Variants in STRIP2 observed in about 807,000 individuals in gnomAD.
STRIP2 encodes the protein striatin interacting protein 2.
In STRIP2, 84 loss-of-function variants were observed where a neutral mutation model predicts 107.1. The observed-to-expected ratio is 0.78, with a 90% CI of 0.66 to 0.94. STRIP2 has a LOEUF of 0.94. Among genes scored for constraint, STRIP2 ranks in the 40% least tolerant of loss-of-function variants. STRIP2 has a pLI of 0.00. For missense variants in STRIP2, 888 were observed against 1,034.2 expected (o/e 0.86, Z 1.94); for synonymous variants, 394 against 400.4 (o/e 0.98, Z 0.19).
chr7:129,435,826 T>C (rs967188551), intron 1 of STRIP2, among the ~76,000 whole-genome samples: 2 of 152,166 alleles, frequency 1.3e-5, no homozygotes, highest in Non-Finnish European at 2.9e-5. Context: ...AGAAACCAGG[T>C]TTTTGGCATC....
In STRIP2 at chr7:129,453,216, T is replaced by A; in HGVS notation, c.410-11T>A. 2 of 1,614,026 alleles carry A rather than the reference T, an allele frequency of 1.2e-6. No homozygotes were observed. The highest frequency in any genetic ancestry group is 8.5e-7 in the Non-Finnish European group (1 of 1,179,944). ...CCCCTCAACCCCTGTAACAACTGTC[T>A]GGTCCTTTAGGTACTTTTGGGGAAT... On this transcript the variant is annotated splice_polypyrimidine_tract_variant and intron_variant, in intron 4 of 20. Coordinates refer to ENST00000249344, the MANE Select transcript of STRIP2 (RefSeq NM_020704.3).
At chr7:129,468,541 G>C (rs1798724039) in intron 17 of STRIP2, among the ~76,000 whole-genome samples, 2 of 152,194 alleles carry the variant, frequency 1.3e-5, no homozygotes, top group South Asian at 4.1e-4. Flanking sequence ...ATGTAAGATT[G>C]CTTTAAACAC....
intron 3 of STRIP2, among the ~76,000 whole-genome samples, chr7:129,447,199 C>G (rs1451108933): frequency 6.6e-6 from 1 of 150,458 alleles, no homozygotes; most frequent in Admixed American, 6.6e-5. Context: ...TTGTTCTGGA[C>G]CCCACTAAAA....
At chr7:129,475,293 A>G (rs2151014568) in intron 18 of STRIP2, among the ~76,000 whole-genome samples, 1 of 152,150 alleles carries the variant, frequency 6.6e-6, no homozygotes, top group East Asian at 1.9e-4. Context: ...GGGGGATGGA[A>G]AATATTAAAT....
rs1798533885 is a variant in STRIP2 at position 129,461,444 on chromosome 7, T to TG, written c.1476+1076dup. On this transcript the variant is annotated intron_variant, in intron 13 of 20. Coordinates refer to ENST00000249344, the MANE Select transcript of STRIP2 (RefSeq NM_020704.3). The surrounding 1 kb of genome is among the most constrained non-coding windows in gnomAD (Gnocchi z 4.0). ...GAGAATGGAAGGCAGGACAAAGCCC[T>TG]GGGGCACACCAGTATGTTGAGGGGG... Among the ~76,000 whole-genome samples the TG allele has an allele frequency of 6.6e-6, 1 of 152,064 alleles. No homozygotes were observed. The highest frequency in any genetic ancestry group is 1.9e-4 in the East Asian group (1 of 5,184).
chr7:129,477,428 T>G (rs893685792), intron 18 of STRIP2, among the ~76,000 whole-genome samples: 5 of 152,188 alleles, frequency 3.3e-5, no homozygotes, highest in Non-Finnish European at 7.4e-5. Context: ...TTTTTAGCAT[T>G]ATATCAATTT....
Position 129,458,158 on chromosome 7 carries a change from A to T in STRIP2, c.1039-57A>T, listed in dbSNP as rs779045163. On this transcript the variant is annotated intron_variant, in intron 9 of 20. Coordinates refer to ENST00000249344, the MANE Select transcript of STRIP2 (RefSeq NM_020704.3). The surrounding 1 kb of genome is among the most constrained non-coding windows in gnomAD (Gnocchi z 4.6). The stretch of plus-strand genomic sequence containing the variant: ...GCCTGTGGATATGGGGTGGCCTCAG[A>T]CAAGGATGCCCAGAGTGAGATCTCT... The T allele has an allele frequency of 1.4e-6, 2 of 1,406,590 alleles. No homozygotes were observed. Among genetic ancestry groups the T allele is most frequent in the South Asian group, 2.4e-5 (2 of 84,188 alleles). The allele number at this position is 1,406,590 out of a possible 1,614,324, so 87.1% of individuals were successfully genotyped here.
rs1395820816 is a variant in STRIP2 at position 129,434,490 on chromosome 7, G to T, written c.18G>T (p.Ala6=). 9.9e-6 allele frequency: 15 copies of T among 1,515,622 alleles called. No individual in the cohort carries two copies. In the East Asian group the frequency reaches 2.8e-4, roughly 29 times the overall value. 93.9% of individuals were successfully genotyped at this position (1,515,622 alleles called of 1,614,324 possible). ...CCAGCAGCATGGAGGACCCCGCCGC[G>T]CCTGGGACCGGGGGCCCGCCCGCAA... MEDPA[A]PGTGGPPANG... is the part of the protein sequence containing the mutation. The change falls in exon 1 of 21, where the codon GCG becomes GCT. Residue 6 remains alanine, a synonymous_variant. Transcript: ENST00000249344.
chr7:129,459,454 T>C (rs1022077943), intron 11 of STRIP2, 63 bp from the exon 12 acceptor site: 10 of 1,397,466 alleles, frequency 7.2e-6, no homozygotes, highest in Non-Finnish European at 1.0e-5. Flanking sequence ...TAGGGGGGTA[T>C]TGGGGTATCA....
At chr7:129,481,374 A>G (rs1799111735) in intron 19 of STRIP2, among the ~76,000 whole-genome samples, 1 of 152,034 alleles carries the variant, frequency 6.6e-6, no homozygotes, top group Non-Finnish European at 1.5e-5. Context: ...GCAGGCACCT[A>G]TAGTCCCAGC....
At chr7:129,471,858 T>A (rs528767580) in intron 18 of STRIP2, among the ~76,000 whole-genome samples, 1 of 152,280 alleles carries the variant, frequency 6.6e-6, no homozygotes, top group African/African-American at 2.4e-5. Context: ...GATTCCCTGG[T>A]CTTATTTAGA....
intron 13 of STRIP2, chr7:129,460,618 A>G: frequency 2.0e-6 from 1 of 491,056 alleles, no homozygotes; most frequent in Non-Finnish European, 3.7e-6. Flanking sequence ...ATGACATGAA[A>G]GAAGCATCAG....
intron 2 of STRIP2, among the ~76,000 whole-genome samples, chr7:129,443,373 T>C (rs1797952815): frequency 1.3e-5 from 2 of 152,198 alleles, no homozygotes; most frequent in Non-Finnish European, 2.9e-5. Context: ...CATAAGCTTT[T>C]TGCATTTTGT....
chr7:129,434,562 G>A lies in STRIP2; in HGVS notation c.90G>A (p.Lys30=). The A allele has an allele frequency of 6.6e-7, 1 of 1,516,662 alleles. No homozygotes were observed. The highest frequency in any genetic ancestry group is 8.8e-7 in the Non-Finnish European group (1 of 1,139,028). The allele number at this position is 1,516,662 out of a possible 1,614,324, so 94.0% of individuals were successfully genotyped here. ...GGGKGKQAAP[K]GREAFRSQRR... ...GCAAAGGGAAGCAGGCGGCGCCCAA[G>A]GGCCGCGAAGCGTTCCGAAGCCAGC... Residue 30 remains lysine, a synonymous_variant, in exon 1 of 21, where the codon AAG becomes AAA. Transcript: ENST00000249344.
At chr7:129,447,050 C>G (rs964465210) in intron 3 of STRIP2, among the ~76,000 whole-genome samples, 2 of 152,222 alleles carry the variant, frequency 1.3e-5, no homozygotes, top group Non-Finnish European at 2.9e-5. Flanking sequence ...TGTGATTCAT[C>G]TCTGGGAGCC....
chr7:129,474,645 G>T (rs537753059), intron 18 of STRIP2, among the ~76,000 whole-genome samples: 1 of 152,220 alleles, frequency 6.6e-6, no homozygotes, highest in Non-Finnish European at 1.5e-5. Context: ...AAGTAGCTGG[G>T]ATTACAGGTG....
intron 1 of STRIP2, among the ~76,000 whole-genome samples, chr7:129,436,089 G>A (rs1356962000): frequency 6.6e-6 from 1 of 152,088 alleles, no homozygotes; most frequent in Non-Finnish European, 1.5e-5. Flanking sequence ...AGGGCACCCT[G>A]TACCTCCTTC....
intron 13 of STRIP2, 56 bp from the exon 14 acceptor site, chr7:129,462,910 A>G (rs1184735403): frequency 1.3e-6 from 2 of 1,486,996 alleles, no homozygotes; most frequent in Non-Finnish European, 1.9e-6. Context: ...CCAAGAAAAA[A>G]AAGCCTTTGG....
intron 3 of STRIP2, among the ~76,000 whole-genome samples, chr7:129,449,645 TC>T: frequency 6.6e-6 from 1 of 152,174 alleles, no homozygotes; most frequent in East Asian, 1.9e-4. Flanking sequence ...CTCCCACATG[TC>T]CCCATTCCAA....
Sources: allele counts gnomAD v4.1 joint callset (sites outside exome capture counted in the v4.1 genomes callset), GRCh38; gene constraint gnomAD v4.1.1; non-coding constraint Gnocchi (gnomAD v3.1); transcripts MANE v1.5; gene names NCBI Gene and HGNC (gene_info 2026-07-23, HGNC 2026-07-21).